The following SPECC1 variants were observed in gnomAD, a reference collection of about 807,000 sequenced individuals.
SPECC1 encodes the protein sperm antigen with calponin homology and coiled-coil domains 1.
SPECC1 carries 62 observed loss-of-function variants against 104.1 expected under a neutral mutation model. That is an observed-to-expected ratio of 0.60 (90% CI 0.49 to 0.74). The LOEUF (loss-of-function observed/expected upper bound fraction) is 0.74, where lower values mean the gene tolerates loss of function less well. SPECC1 is among the 30% of genes least tolerant of loss of function. The pLI, the probability that SPECC1 is intolerant of heterozygous loss-of-function variation, is 0.00. For synonymous variants in SPECC1, 513 were observed against 501.6 expected, an observed-to-expected ratio of 1.02 and a Z score of -0.30; for missense variants, 1,306 against 1,310.5, an observed-to-expected ratio of 1.00 and a Z score of 0.05.
chr17:20,236,996 C>T (rs918712067), intron 7 of SPECC1: 2 of 1,550,570 alleles, frequency 1.3e-6, no homozygotes, highest in African/African-American at 1.4e-5. Flanking sequence ...ATAAAGAGCC[C>T]AGTTGTCTCC....
chr17:20,074,230 T>C (rs1215365332), intron 1 of SPECC1, among the ~76,000 whole-genome samples: 2 of 152,194 alleles, frequency 1.3e-5, no homozygotes, highest in Non-Finnish European at 2.9e-5. Flanking sequence ...CCCTGTCGTC[T>C]GGCAGAGGGT....
chr17:20,094,310 C>G (rs2047544085), intron 1 of SPECC1, among the ~76,000 whole-genome samples: 1 of 152,176 alleles, frequency 6.6e-6, no homozygotes, highest in Admixed American at 6.5e-5. Context: ...AGCGGGCCAC[C>G]TGCCAACCCT....
At chr17:20,188,595 T>TA (rs138969944) in intron 3 of SPECC1, among the ~76,000 whole-genome samples, 115 of 152,140 alleles carry the variant, frequency 7.6e-4, no homozygotes, top group African/African-American at 2.7e-3. Context: ...AAGATATACT[T>TA]ATGATGTGAC....
At chr17:20,056,384 G>A (rs1221202426) in intron 1 of SPECC1, 1 of 188,884 alleles carries the variant, frequency 5.3e-6, no homozygotes, top group South Asian at 1.2e-4. Context: ...GCTAACCGCA[G>A]CAAGGACTGG....
rs185137900 is a variant in SPECC1, at chr17:20,223,181, T to C, written c.1864-4232T>C. On this transcript the variant is annotated intron_variant, in intron 4 of 14. Coordinates refer to ENST00000395527, the MANE Select transcript of SPECC1 (RefSeq NM_001243439.2). ...AGCCAATAACTTACTAGATTTGCGC[T>C]TTTTTTAGACTGTTTTGTAGATCTT... Among the ~76,000 whole-genome samples, 1,188 of 152,196 alleles carry C rather than the reference T, an allele frequency of 7.8e-3. 18 individuals carry two copies. The highest frequency in any genetic ancestry group is 0.027 in the African/African-American group (1,132 of 41,526).
intron 12 of SPECC1, among the ~76,000 whole-genome samples, chr17:20,291,210 A>G (rs12051865): frequency 0.26 from 38,836 of 152,018 alleles, 6,361 homozygotes; most frequent in African/African-American, 0.47. Flanking sequence ...ACTGACAAGA[A>G]GGAATCAAAG....
chr17:20,185,599 T>C (rs1272778983), intron 3 of SPECC1, among the ~76,000 whole-genome samples: 2 of 152,074 alleles, frequency 1.3e-5, no homozygotes, highest in Non-Finnish European at 2.9e-5. Context: ...AATAAAACGG[T>C]TGTGTTAAGT....
chr17:20,301,466 A>C (rs1282949544), intron 13 of SPECC1, among the ~76,000 whole-genome samples: 1 of 151,898 alleles, frequency 6.6e-6, no homozygotes, highest in African/African-American at 2.4e-5. Context: ...AGAAGCCTTT[A>C]ATGTTTGTAA....
intron 12 of SPECC1, among the ~76,000 whole-genome samples, chr17:20,284,451 C>T (rs542763812): frequency 2.6e-5 from 4 of 152,366 alleles, no homozygotes; most frequent in African/African-American, 9.6e-5. Context: ...TCGAGGTTTA[C>T]CAGATAGTCT....
chr17:20,047,370 C>A (rs948639523), intron 1 of SPECC1, among the ~76,000 whole-genome samples: 2 of 152,050 alleles, frequency 1.3e-5, no homozygotes, highest in Non-Finnish European at 2.9e-5. Flanking sequence ...GGGTCACCCA[C>A]TTCTTTCTCT....
chr17:20,062,967 C>T (rs373358775), intron 1 of SPECC1, among the ~76,000 whole-genome samples: 2 of 152,240 alleles, frequency 1.3e-5, no homozygotes, highest in African/African-American at 2.4e-5. Flanking sequence ...GAATTACAGG[C>T]ATAAGCCACC....
intron 3 of SPECC1, among the ~76,000 whole-genome samples, chr17:20,111,095 T>C (rs2048468090): frequency 6.6e-6 from 1 of 152,162 alleles, no homozygotes; most frequent in Non-Finnish European, 1.5e-5. Context: ...GGTTTTTCAA[T>C]CATTATATTT....
chr17:20,091,875 A>C (rs2047416833), intron 1 of SPECC1, among the ~76,000 whole-genome samples: 1 of 151,992 alleles, frequency 6.6e-6, no homozygotes, highest in Non-Finnish European at 1.5e-5. Flanking sequence ...TTGCCTTTCT[A>C]TTTCTTGCCT....
rs73981863 is a variant in SPECC1, at chr17:20,231,507, T to C, written c.2072-251T>C. On this transcript the variant is annotated intron_variant, in intron 5 of 14. Transcript: ENST00000395527. ...CTATTTGGTTGTGCATTCTGTCTGC[T>C]GAGACTGTAACCTCAATACACATCA... 6.0e-3 allele frequency among the ~76,000 whole-genome samples: 911 copies of C among 152,348 alleles called. 11 individuals are homozygous for C. Among genetic ancestry groups the C allele is most frequent in the African/African-American group, 0.021 (882 of 41,576 alleles).
intron 12 of SPECC1, among the ~76,000 whole-genome samples, chr17:20,271,597 A>G (rs2040409635): frequency 6.6e-6 from 1 of 152,166 alleles, no homozygotes; most frequent in Admixed American, 6.5e-5. Context: ...ACACATCACA[A>G]GGGTCAGGGG....
At chr17:20,042,455 C>A (rs1040130387) in intron 1 of SPECC1, among the ~76,000 whole-genome samples, 1 of 152,152 alleles carries the variant, frequency 6.6e-6, no homozygotes, top group African/African-American at 2.4e-5. Flanking sequence ...CAGGGAGGGC[C>A]TCATCACTCC....
At chr17:20,181,615 A>G (rs1277085796) in intron 3 of SPECC1, among the ~76,000 whole-genome samples, 2 of 152,174 alleles carry the variant, frequency 1.3e-5, no homozygotes, top group Non-Finnish European at 2.9e-5. Flanking sequence ...TAAGGCAAAA[A>G]CATTTTTTGT....
chr17:20,052,265 C>T (rs1368495752), intron 1 of SPECC1, among the ~76,000 whole-genome samples: 3 of 152,114 alleles, frequency 2.0e-5, no homozygotes, highest in African/African-American at 4.8e-5. Context: ...ATGGGGGAAC[C>T]GCAGGTATTA....
chr17:20,191,428 A>T (rs886617944), intron 3 of SPECC1, among the ~76,000 whole-genome samples: 2 of 150,648 alleles, frequency 1.3e-5, no homozygotes, highest in African/African-American at 4.9e-5. Context: ...ATAGTTGTGT[A>T]GTGATATCTC....
Sources: allele counts gnomAD v4.1 joint callset (sites outside exome capture counted in the v4.1 genomes callset), GRCh38; gene constraint gnomAD v4.1.1; transcripts MANE v1.5; gene names NCBI Gene and HGNC (gene_info 2026-07-23, HGNC 2026-07-21).